The following BCL7A variants were observed in gnomAD, a reference collection of about 807,000 sequenced individuals.
BCL7A encodes the protein BAF chromatin remodeling complex subunit BCL7A.
BCL7A carries 11 observed loss-of-function variants against 28.4 expected under a neutral mutation model. The observed-to-expected ratio is 0.39, with a 90% CI of 0.24 to 0.64. The LOEUF is 0.64. Among genes scored for constraint, BCL7A ranks in the 30% least tolerant of loss-of-function variants. The probability of loss-of-function intolerance (pLI) is 0.50; values close to 1 mark genes in which losing one functional copy is unlikely to be tolerated. For synonymous variants in BCL7A, 123 were observed against 103.3 expected (o/e 1.19, Z -1.15); for missense variants, 222 against 274.8 (o/e 0.81, Z 1.36).
intron 3 of BCL7A, among the ~76,000 whole-genome samples, chr12:122,041,669 C>A (rs1883968085): frequency 6.6e-6 from 1 of 152,096 alleles, no homozygotes. Context: ...GAGGCAGAGG[C>A]AGGAGGATGG....
intron 5 of BCL7A, 138 bp downstream of exon 5, chr12:122,055,064 G>T: frequency 1.3e-6 from 2 of 1,545,558 alleles, no homozygotes; most frequent in Non-Finnish European, 8.8e-7. Context: ...TTTGTCCATT[G>T]GGCTATGTCC....
rs374749184 is a variant in BCL7A at position 122,060,388 on chromosome 12, C to T, written c.*1225C>T. On this transcript the variant is annotated 3_prime_UTR_variant, in exon 6 of 6. Transcript: ENST00000261822. ...GCCTCGAAGGCCACAAACAAGGCGT[C>T]GAGGAATTGGAAAGATTTGCACACC... 3 of 232,872 alleles carry T rather than the reference C, an allele frequency of 1.3e-5. No individual in the cohort carries two copies. Among genetic ancestry groups the T allele is most frequent in the Non-Finnish European group, 2.5e-5 (3 of 117,726 alleles). The allele number at this position is 232,872 out of a possible 1,614,324, so 14.4% of individuals were successfully genotyped here.
intron 3 of BCL7A, among the ~76,000 whole-genome samples, chr12:122,038,094 C>T (rs1883892200): frequency 6.6e-6 from 1 of 151,458 alleles, no homozygotes. Context: ...GCACTCCAGC[C>T]CAGGCAACAG....
intron 3 of BCL7A, among the ~76,000 whole-genome samples, chr12:122,040,216 G>A (rs1477493821): frequency 2.0e-5 from 3 of 152,148 alleles, no homozygotes; most frequent in African/African-American, 7.2e-5. Flanking sequence ...TGGCATTTGA[G>A]GTTGGTTCTT....
chr12:122,046,455 G>A (rs547463948), intron 4 of BCL7A, among the ~76,000 whole-genome samples: 4 of 152,296 alleles, frequency 2.6e-5, no homozygotes, highest in South Asian at 2.1e-4. Flanking sequence ...GAGCTGATCC[G>A]CACCCCTGTG....
At chr12:122,023,141 G>T (rs915775159) in intron 1 of BCL7A, among the ~76,000 whole-genome samples, 1 of 152,210 alleles carries the variant, frequency 6.6e-6, no homozygotes, top group African/African-American at 2.4e-5. Flanking sequence ...GGCCTCGTCG[G>T]GGTCTGCTCG....
intron 1 of BCL7A, among the ~76,000 whole-genome samples, chr12:122,024,177 G>C (rs1355074953): frequency 1.3e-5 from 2 of 152,350 alleles, no homozygotes; most frequent in Admixed American, 6.5e-5. Context: ...GCCTCCCTGG[G>C]TTTGGGGAAA....
chr12:122,045,109 G>A lies in BCL7A; in HGVS notation c.439+1056G>A, dbSNP rs115797997. 2.4e-3 allele frequency among the ~76,000 whole-genome samples: 362 copies of A among 152,190 alleles called. 2 individuals are homozygous for A. The highest frequency in any genetic ancestry group is 7.7e-3 in the African/African-American group (319 of 41,526). ...GGAAAATAAGATGGGCACCAGGCGC[G>A]GTGGCTCACGCCTGTAATCCCAGCA... On this transcript the variant is annotated intron_variant, in intron 4 of 5. Coordinates refer to ENST00000261822, the MANE Select transcript of BCL7A (RefSeq NM_001024808.3).
At chr12:122,040,458 G>C (rs1174443098) in intron 3 of BCL7A, among the ~76,000 whole-genome samples, 2 of 151,494 alleles carry the variant, frequency 1.3e-5, no homozygotes, top group Non-Finnish European at 2.9e-5. Flanking sequence ...CCTTGAATCG[G>C]GAAGGGGAGG....
intron 1 of BCL7A, 109 bp downstream of exon 1, chr12:122,022,292 C>T (rs2135832946): frequency 1.7e-6 from 1 of 581,562 alleles, no homozygotes; most frequent in South Asian, 7.1e-5. Context: ...CGGCCCAGCC[C>T]CGCCGCGGGC....
At chr12:122,053,005 TGTC>T (rs1010011097) in intron 4 of BCL7A, among the ~76,000 whole-genome samples, 2 of 150,570 alleles carry the variant, frequency 1.3e-5, no homozygotes, top group Non-Finnish European at 3.0e-5. Context: ...TTGTTGTTGT[TGTC>T]GTTTTTTGAG....
chr12:122,021,924 G>GCGTA lies in BCL7A; in HGVS notation c.-168_-167insCGTA. The stretch of plus-strand genomic sequence containing the variant: ...CGCGGCGGCCCCGGGCTTTGTGTGT[G>GCGTA]TGTGTATGTGTGTGTGTGTGTGTGT... On this transcript the variant is annotated 5_prime_UTR_variant, in exon 1 of 6. In the 5' UTR this introduces an upstream ATG that the reference lacks. Coordinates refer to ENST00000261822, the MANE Select transcript of BCL7A (RefSeq NM_001024808.3). 1 of 426,260 alleles carries GCGTA rather than the reference G, an allele frequency of 2.3e-6. No homozygotes were observed. Among genetic ancestry groups the GCGTA allele is most frequent in the African/African-American group, 2.6e-5 (1 of 38,878 alleles). The allele number at this position is 426,260 out of a possible 1,614,324, so 26.4% of individuals were successfully genotyped here. A position where few individuals can be genotyped will look rare whatever the true frequency, so the allele number is the denominator to read the frequency against.
At chr12:122,049,033 AAAAT>A (rs1182765580) in intron 4 of BCL7A, among the ~76,000 whole-genome samples, 7 of 58,682 alleles carry the variant, frequency 1.2e-4, no homozygotes, top group African/African-American at 4.8e-4. Context: ...AAAAAAAAAA[AAAAT>A]ATATATATAT....
intron 4 of BCL7A, among the ~76,000 whole-genome samples, chr12:122,046,740 A>G (rs908851297): frequency 9.2e-5 from 14 of 152,300 alleles, no homozygotes; most frequent in Non-Finnish European, 1.3e-4. Flanking sequence ...AGCTTTGACA[A>G]TACCGGGCCT....
intron 2 of BCL7A, among the ~76,000 whole-genome samples, chr12:122,034,996 C>G (rs1883820868): frequency 6.6e-6 from 1 of 152,108 alleles, no homozygotes; most frequent in Admixed American, 6.5e-5. Flanking sequence ...AGATACTCTC[C>G]CTAAAAGAGG....
In BCL7A at chr12:122,029,633, C is replaced by T. The variant is rs989528907; in HGVS notation, c.93-1067C>T. ...TGCTGGGCCCCTTAAATCCGCCAGC[C>T]TCCTAGCTGAGCCATCAGTGGCTCC... On this transcript the variant is annotated intron_variant, in intron 1 of 5. Transcript: ENST00000261822. This position sits in a 1 kb window ranked among gnomAD's most constrained non-coding sequence, Gnocchi z 4.3. Among the ~76,000 whole-genome samples the T allele has an allele frequency of 6.6e-6, 1 of 152,192 alleles. No individual in the cohort carries two copies. The highest frequency in any genetic ancestry group is 2.4e-5 in the African/African-American group (1 of 41,436).
intron 4 of BCL7A, among the ~76,000 whole-genome samples, chr12:122,048,213 A>AT (rs35663038): frequency 0.021 from 3,194 of 149,158 alleles, 122 homozygotes; most frequent in African/African-American, 0.074. Context: ...TGAGAAAGCT[A>AT]TTTTTTTTTT....
chr12:122,025,651 A>T (rs1415687925), intron 1 of BCL7A, among the ~76,000 whole-genome samples: 1 of 150,016 alleles, frequency 6.7e-6, no homozygotes, highest in South Asian at 2.1e-4. Flanking sequence ...AGAAGAAGAA[A>T]AAAGAAAAAT....
chr12:122,048,760 C>CTGTA (rs1884127669), intron 4 of BCL7A, among the ~76,000 whole-genome samples: 1 of 151,802 alleles, frequency 6.6e-6, no homozygotes, highest in Admixed American at 6.6e-5. Flanking sequence ...TGGGTCACAC[C>CTGTA]TGTAATCCCA....
Sources: gnomAD v4.1 joint callset for allele counts (sites outside exome capture counted in the v4.1 genomes callset) on GRCh38, gnomAD v4.1.1 for gene constraint, Gnocchi (gnomAD v3.1) non-coding constraint, MANE v1.5 for transcripts, NCBI Gene and HGNC (gene_info 2026-07-23, HGNC 2026-07-21) for gene names.